Variants in TUSC3 observed in about 807,000 individuals in gnomAD.
TUSC3 encodes the protein tumor suppressor candidate 3.
A neutral mutation model predicts 44.8 loss-of-function variants in TUSC3; 45 were observed. The ratio of observed to expected loss-of-function variants is 1.00; its 90% CI spans 0.79 to 1.29. TUSC3 has a LOEUF of 1.29. TUSC3 is among the 50% of genes most tolerant of loss of function. TUSC3 has a pLI of 0.00. For missense variants in TUSC3, 519 were observed against 437.9 expected, an observed-to-expected ratio of 1.19 and a Z score of -1.65; for synonymous variants, 212 against 152.9, an observed-to-expected ratio of 1.39 and a Z score of -2.85.
intron 1 of TUSC3, among the ~76,000 whole-genome samples, chr8:15,575,504 G>A (rs1291529444): frequency 6.6e-6 from 1 of 152,050 alleles, no homozygotes; most frequent in East Asian, 1.9e-4. Context: ...GGTGGCTCAC[G>A]CCTGTAATCC....
At chr8:15,504,619 ATATTTTTTT>A (rs1483609642) in intron 2 of TUSC3, among the ~76,000 whole-genome samples, 1 of 16,408 alleles carries the variant, frequency 6.1e-5, no homozygotes, top group African/African-American at 3.5e-4. Flanking sequence ...ATATATATAT[ATATTTTTTT>A]TTTTTTTTTT....
upstream of TUSC3, chr8:15,540,239 T>C (rs1451623671): frequency 1.7e-5 from 14 of 800,962 alleles, no homozygotes; most frequent in Non-Finnish European, 2.3e-5. Context: ...CCAGGTCTTC[T>C]CCCGGTGAAC....
chr8:15,733,361 T>C (rs768386388), intron 7 of TUSC3: 1 of 404,742 alleles, frequency 2.5e-6, no homozygotes, highest in South Asian at 1.8e-5. Context: ...GTTTTTTTTT[T>C]TTTCCTAACT....
At chr8:15,820,454 G>A in the TUSC3 span, among the ~76,000 whole-genome samples, 1 of 151,850 alleles carries the variant, frequency 6.6e-6, no homozygotes, top group Non-Finnish European at 1.5e-5. Context: ...TGATAAGCTG[G>A]AACTACAGGT....
chr8:15,634,529 A>T (rs1231696486), intron 2 of TUSC3, among the ~76,000 whole-genome samples: 2 of 152,188 alleles, frequency 1.3e-5, no homozygotes, highest in Non-Finnish European at 2.9e-5. Context: ...ACACTTCCAT[A>T]AATTCCGTCT....
At chr8:15,529,872 A>C (rs61331750) in intron 2 of TUSC3, among the ~76,000 whole-genome samples, 5,121 of 91,138 alleles carry the variant, frequency 0.056, 834 homozygotes, top group African/African-American at 0.26. Flanking sequence ...ATCTCGGCTC[A>C]CTGCAAGCTC....
At chr8:15,713,625 C>A (rs908275492) in intron 6 of TUSC3, among the ~76,000 whole-genome samples, 5 of 152,032 alleles carry the variant, frequency 3.3e-5, no homozygotes, top group African/African-American at 7.2e-5. Flanking sequence ...TGAGGTCTTT[C>A]CTCTTGGATT....
At chr8:15,810,270 T>G in the TUSC3 span, among the ~76,000 whole-genome samples, 5 of 152,160 alleles carry the variant, frequency 3.3e-5, no homozygotes, top group African/African-American at 1.2e-4. Context: ...AAAGAACCCC[T>G]GGCTTAGAGT....
chr8:15,850,684 G>T, the TUSC3 span, among the ~76,000 whole-genome samples: 1 of 152,104 alleles, frequency 6.6e-6, no homozygotes, highest in African/African-American at 2.4e-5. Context: ...AAACAATTTA[G>T]AAAGGAATGG....
At chr8:15,566,173 T>A (rs1340643511) in intron 1 of TUSC3, among the ~76,000 whole-genome samples, 1 of 152,136 alleles carries the variant, frequency 6.6e-6, no homozygotes, top group East Asian at 1.9e-4. Flanking sequence ...AGTTTCCATA[T>A]TTACAGCAGT....
chr8:15,846,596 C>G, the TUSC3 span, among the ~76,000 whole-genome samples: 2 of 152,044 alleles, frequency 1.3e-5, no homozygotes, highest in Non-Finnish European at 2.9e-5. Flanking sequence ...TTTCAGCAAA[C>G]TAACATAAGA....
chr8:15,719,226 C>A (rs954093227), intron 6 of TUSC3, among the ~76,000 whole-genome samples: 1 of 152,064 alleles, frequency 6.6e-6, no homozygotes, highest in Non-Finnish European at 1.5e-5. Flanking sequence ...GACCCTCTTA[C>A]ATTTCCTTGA....
At chr8:15,636,908 A>T (rs1434757629) in intron 2 of TUSC3, among the ~76,000 whole-genome samples, 1 of 152,116 alleles carries the variant, frequency 6.6e-6, no homozygotes, top group Non-Finnish European at 1.5e-5. Context: ...AAGAAATTTT[A>T]TTTGGTGCTG....
At chr8:15,823,728 A>C in the TUSC3 span, among the ~76,000 whole-genome samples, 1 of 152,196 alleles carries the variant, frequency 6.6e-6, no homozygotes, top group Non-Finnish European at 1.5e-5. Context: ...ATCAATTGGA[A>C]CTAAAATATC....
the TUSC3 span, among the ~76,000 whole-genome samples, chr8:15,787,063 CTT>C: frequency 6.7e-6 from 1 of 150,220 alleles, no homozygotes; most frequent in African/African-American, 2.4e-5. Flanking sequence ...CTTTTTATGT[CTT>C]TTTAAATTTT....
chr8:15,752,550 C>T (rs1432618322), intron 9 of TUSC3, among the ~76,000 whole-genome samples: 1 of 152,008 alleles, frequency 6.6e-6, no homozygotes, highest in Non-Finnish European at 1.5e-5. Flanking sequence ...TTTTCCAGAA[C>T]ATCATAGTGT....
chr8:15,668,690 A>G (rs1347786052), intron 5 of TUSC3, among the ~76,000 whole-genome samples: 1 of 151,788 alleles, frequency 6.6e-6, no homozygotes, highest in Non-Finnish European at 1.5e-5. Context: ...CAAAAGGACT[A>G]GCTTTGAGGG....
intron 6 of TUSC3, among the ~76,000 whole-genome samples, chr8:15,718,801 G>C (rs1429362372): frequency 6.6e-6 from 1 of 151,860 alleles, no homozygotes; most frequent in Non-Finnish European, 1.5e-5. Flanking sequence ...TCAAATATGT[G>C]TTTACTGTGA....
rs565179509 is a variant in TUSC3, at chr8:15,687,696, G to A, written c.798+13860G>A. On this transcript the variant is annotated intron_variant, in intron 6 of 10. Coordinates refer to ENST00000503731, the MANE Select transcript of TUSC3 (RefSeq NM_006765.4). ...TATGATCCTGCCAATTAATTACAACGAAGAACCTTGTGATTTGTACCCTTA... is the reference window on the plus strand; with the variant it reads ...TATGATCCTGCCAATTAATTACAACAAAGAACCTTGTGATTTGTACCCTTA... Among the ~76,000 whole-genome samples, 7 of 152,222 alleles carry A rather than the reference G, an allele frequency of 4.6e-5. No homozygotes were observed. In the East Asian group the frequency reaches 7.7e-4, roughly 17 times the overall value.
Sources: gnomAD v4.1 joint callset for allele counts (sites outside exome capture counted in the v4.1 genomes callset) on GRCh38, gnomAD v4.1.1 for gene constraint, MANE v1.5 for transcripts, NCBI Gene and HGNC (gene_info 2026-07-23, HGNC 2026-07-21) for gene names.